ARHGEF3: variants seen among roughly 807,000 people sequenced by gnomAD.
The protein encoded by ARHGEF3 is Rho guanine nucleotide exchange factor 3.
ARHGEF3 carries 28 observed loss-of-function variants against 63.2 expected under a neutral mutation model. The observed-to-expected ratio is 0.44, with a 90% CI of 0.33 to 0.61. The LOEUF (loss-of-function observed/expected upper bound fraction) is 0.61, where lower values mean the gene tolerates loss of function less well. Among genes scored for constraint, ARHGEF3 ranks in the 20% least tolerant of loss-of-function variants. The pLI, the probability that ARHGEF3 is intolerant of heterozygous loss-of-function variation, is 0.03. For missense variants in ARHGEF3, 533 were observed against 659.3 expected, an observed-to-expected ratio of 0.81 and a Z score of 2.10; for synonymous variants, 266 against 254.2, an observed-to-expected ratio of 1.05 and a Z score of -0.44.
chr3:57,051,010 T>G (rs1421796064), intron 1 of ARHGEF3, among the ~76,000 whole-genome samples: 5 of 152,294 alleles, frequency 3.3e-5, no homozygotes, highest in Middle Eastern at 6.8e-3. Context: ...GTGCTGGACA[T>G]ATTTCGGAAT....
At chr3:57,033,712 A>G (rs889809791) in intron 2 of ARHGEF3, among the ~76,000 whole-genome samples, 2 of 152,114 alleles carry the variant, frequency 1.3e-5, no homozygotes, top group Non-Finnish European at 2.9e-5. Context: ...TTTCATTTGT[A>G]TTTTTAACAA....
intron 2 of ARHGEF3, among the ~76,000 whole-genome samples, chr3:57,015,631 G>A (rs1329363873): frequency 7.2e-6 from 1 of 139,794 alleles, no homozygotes; most frequent in African/African-American, 2.7e-5. Context: ...TAGTACAAAC[G>A]AAGTCTAGTT....
chr3:56,809,667 T>C (rs1164446815), intron 4 of ARHGEF3, among the ~76,000 whole-genome samples: 1 of 152,174 alleles, frequency 6.6e-6, no homozygotes, highest in Non-Finnish European at 1.5e-5. Flanking sequence ...TTGAGAGTAT[T>C]TCATATTTGG....
chr3:56,727,802 C>CA lies in ARHGEF3; in HGVS notation c.*1467dup, dbSNP rs2032827915. The CA allele has an allele frequency of 6.6e-6, 1 of 152,446 alleles. No individual in the cohort carries two copies. Among genetic ancestry groups the CA allele is most frequent in the Admixed American group, 6.6e-5 (1 of 15,258 alleles). 9.4% of individuals were successfully genotyped at this position (152,446 alleles called of 1,614,324 possible). On this transcript the variant is annotated 3_prime_UTR_variant, in exon 10 of 10. Transcript: ENST00000296315. ...AAATTGATCACAATATCCTTGTTTT[C>CA]AAAAAATAATAAAGTATATACCTTG...
upstream of ARHGEF3, among the ~76,000 whole-genome samples, chr3:56,805,729 T>G (rs2037841920): frequency 6.6e-6 from 1 of 152,176 alleles, no homozygotes; most frequent in Admixed American, 6.5e-5. Flanking sequence ...CAAACATACC[T>G]CTTTTCCACT....
chr3:57,042,482 G>A (rs983168314), intron 1 of ARHGEF3, among the ~76,000 whole-genome samples: 3 of 151,410 alleles, frequency 2.0e-5, no homozygotes, highest in Admixed American at 2.0e-4. Flanking sequence ...AAAGTCAATG[G>A]TGCACATCTC....
At chr3:56,750,669 AG>A (rs1196256250) in intron 6 of ARHGEF3, among the ~76,000 whole-genome samples, 1 of 147,614 alleles carries the variant, frequency 6.8e-6, no homozygotes, top group African/African-American at 2.5e-5. Context: ...TAGCATGACA[AG>A]TTTTTTTTTT....
intron 3 of ARHGEF3, among the ~76,000 whole-genome samples, chr3:56,886,511 T>C (rs2108269427): frequency 6.6e-6 from 1 of 152,336 alleles, no homozygotes; most frequent in Middle Eastern, 3.4e-3. Flanking sequence ...GCCAGTGATC[T>C]ACAGAGTAGC....
chr3:56,911,068 A>C (rs887201161), intron 3 of ARHGEF3, among the ~76,000 whole-genome samples: 14 of 151,976 alleles, frequency 9.2e-5, no homozygotes, highest in African/African-American at 3.1e-4. Context: ...CGTACTGGGG[A>C]AGTTTAGCCT....
At chr3:56,756,972 A>G (rs2035112366) in intron 2 of ARHGEF3, among the ~76,000 whole-genome samples, 1 of 152,176 alleles carries the variant, frequency 6.6e-6, no homozygotes, top group Non-Finnish European at 1.5e-5. Flanking sequence ...CTGATATAGC[A>G]ATGATCATAC....
At chr3:57,029,386 G>A (rs1174062790) in intron 2 of ARHGEF3, among the ~76,000 whole-genome samples, 1 of 151,570 alleles carries the variant, frequency 6.6e-6, no homozygotes, top group African/African-American at 2.4e-5. Context: ...CAGAGATCAT[G>A]CCACTACACT....
At chr3:56,913,893 G>A (rs7619542) in intron 3 of ARHGEF3, among the ~76,000 whole-genome samples, 138,058 of 152,198 alleles carry the variant, frequency 0.91, 62,849 homozygotes, top group South Asian at 0.96. Flanking sequence ...CCCATCAATC[G>A]AGGAGTGGAT....
intron 1 of ARHGEF3, among the ~76,000 whole-genome samples, chr3:57,064,826 A>C (rs934785637): frequency 6.6e-5 from 10 of 152,234 alleles, no homozygotes; most frequent in Non-Finnish European, 7.3e-5. Flanking sequence ...ACAGTGTTTC[A>C]GTGTCACAAG....
At chr3:56,791,998 T>C (rs757756690) in intron 1 of ARHGEF3, among the ~76,000 whole-genome samples, 11 of 151,074 alleles carry the variant, frequency 7.3e-5, no homozygotes, top group Non-Finnish European at 1.3e-4. Flanking sequence ...CCCAGCTACT[T>C]GGGAGGCTGA....
chr3:56,954,060 C>T (rs1699933705), intron 3 of ARHGEF3, among the ~76,000 whole-genome samples: 1 of 152,302 alleles, frequency 6.6e-6, no homozygotes, highest in African/African-American at 2.4e-5. Flanking sequence ...TTCTAAGCCC[C>T]AGAGTCTAGA....
At chr3:57,062,315 A>G (rs946217094) in intron 1 of ARHGEF3, among the ~76,000 whole-genome samples, 18 of 152,144 alleles carry the variant, frequency 1.2e-4, no homozygotes, top group African/African-American at 4.1e-4. Flanking sequence ...GATGACCCTG[A>G]GGAAGCCCAC....
chr3:56,817,287 C>A (rs2108023879), intron 4 of ARHGEF3, among the ~76,000 whole-genome samples: 1 of 152,258 alleles, frequency 6.6e-6, no homozygotes. Flanking sequence ...TAAACAGTAG[C>A]TAGGTTTATT....
rs114203525 is a variant in ARHGEF3, at chr3:56,823,492, C to T, written c.193-49676G>A. 4.3e-3 allele frequency among the ~76,000 whole-genome samples: 651 copies of T among 152,264 alleles called. 7 individuals carry two copies. The highest frequency in any genetic ancestry group is 0.015 in the African/African-American group (614 of 41,550). ...CTGTTCTCACTTTTCTCCTCCTGCC[C>T]TTCACCTTGCTTGGAAAGACACATC... is the stretch of plus-strand genomic sequence containing the variant. On this transcript the variant is annotated intron_variant, in intron 4 of 12. Transcript: ENST00000338458.
intron 3 of ARHGEF3, among the ~76,000 whole-genome samples, chr3:56,887,160 C>T (rs1334194421): frequency 1.3e-5 from 2 of 152,160 alleles, no homozygotes; most frequent in African/African-American, 4.8e-5. Context: ...AAATAGGTTA[C>T]GTCTCACTTG....
Sources: allele counts gnomAD v4.1 joint callset (sites outside exome capture counted in the v4.1 genomes callset), GRCh38; gene constraint gnomAD v4.1.1; transcripts MANE v1.5; gene names NCBI Gene and HGNC (gene_info 2026-07-23, HGNC 2026-07-21).